Variants in MACC1 observed in about 807,000 individuals in gnomAD.
MACC1 encodes the protein metastasis-associated in colon cancer protein 1.
Under a neutral mutation model 70.7 loss-of-function variants are expected in MACC1, and 79 were observed. The ratio of observed to expected loss-of-function variants is 1.12; its 90% CI spans 0.93 to 1.35. The LOEUF is 1.35. Ranked by LOEUF, MACC1 falls within the 40% of genes most tolerant of loss-of-function variation. The pLI is 0.00. For missense variants in MACC1, 1,106 were observed against 978.1 expected (o/e 1.13, Z -1.74); for synonymous variants, 361 against 347.2 (o/e 1.04, Z -0.44).
At chr7:20,163,811 A>G (rs566073119) in intron 3 of MACC1, among the ~76,000 whole-genome samples, 3 of 152,216 alleles carry the variant, frequency 2.0e-5, no homozygotes, top group Non-Finnish European at 4.4e-5. Flanking sequence ...TTCATGTTAT[A>G]ACTACTATAT....
At chr7:20,161,384 T>C (rs905636542) in intron 4 of MACC1, among the ~76,000 whole-genome samples, 1 of 152,058 alleles carries the variant, frequency 6.6e-6, no homozygotes, top group African/African-American at 2.4e-5. Context: ...TTTTCTTTAA[T>C]ACAATTACCC....
At chr7:20,210,566 AG>A (rs778382339) in intron 1 of MACC1, among the ~76,000 whole-genome samples, 8 of 152,354 alleles carry the variant, frequency 5.3e-5, no homozygotes, top group Admixed American at 2.6e-4. Flanking sequence ...CACTGCCTTC[AG>A]GAAATAATGT....
At chr7:20,149,598 A>G (rs531162535) in intron 6 of MACC1, among the ~76,000 whole-genome samples, 2 of 152,274 alleles carry the variant, frequency 1.3e-5, no homozygotes, top group Admixed American at 6.5e-5. Flanking sequence ...CTTAACCTCT[A>G]TGCTCTGGTA....
chr7:20,182,341 T>C (rs1782523096), intron 1 of MACC1, among the ~76,000 whole-genome samples: 1 of 152,128 alleles, frequency 6.6e-6, no homozygotes, highest in Non-Finnish European at 1.5e-5. Context: ...TAAAGTATAA[T>C]AATAATAATA....
chr7:20,148,687 A>G (rs957768553), intron 6 of MACC1, among the ~76,000 whole-genome samples: 2 of 152,114 alleles, frequency 1.3e-5, no homozygotes, highest in Non-Finnish European at 1.5e-5. Context: ...TTCCTACCTC[A>G]TTCCTCCCAA....
intron 1 of MACC1, among the ~76,000 whole-genome samples, chr7:20,197,019 T>C (rs1782764224): frequency 6.6e-6 from 1 of 152,166 alleles, no homozygotes. Flanking sequence ...AAGTTGCAAA[T>C]TATCTATAAA....
intron 1 of MACC1, among the ~76,000 whole-genome samples, chr7:20,176,947 G>A (rs1369187280): frequency 2.0e-5 from 3 of 152,052 alleles, no homozygotes; most frequent in Admixed American, 6.6e-5. Context: ...ACTATAAAGG[G>A]GTACCGCAAG....
intron 1 of MACC1, among the ~76,000 whole-genome samples, chr7:20,181,979 G>A (rs1181411812): frequency 6.6e-6 from 1 of 151,656 alleles, no homozygotes; most frequent in Non-Finnish European, 1.5e-5. Flanking sequence ...AAGAAAATGT[G>A]GCACATATAC....
At chr7:20,179,873 G>A (rs1329958360) in intron 1 of MACC1, among the ~76,000 whole-genome samples, 2 of 152,132 alleles carry the variant, frequency 1.3e-5, no homozygotes, top group Admixed American at 6.5e-5. Context: ...ACAAAGTGTG[G>A]TAGGTCTGTG....
rs1782912170 is a variant in MACC1 at position 20,206,500 on chromosome 7, T to C, written c.-218+10799A>G. On this transcript the variant is annotated intron_variant, in intron 1 of 6. Coordinates refer to ENST00000400331, the MANE Select transcript of MACC1 (RefSeq NM_182762.4). ...CTCTGATCTCTCCTTTTTAGTCTCC[T>C]CTATGGCTGTTTCTTTCTCTGATTA... Among the ~76,000 whole-genome samples the C allele has an allele frequency of 2.0e-5, 3 of 152,308 alleles. No homozygotes were observed. The South Asian group carries it at 6.2e-4, about 32-fold the overall frequency.
intron 1 of MACC1, among the ~76,000 whole-genome samples, chr7:20,202,147 G>A (rs1023005222): frequency 6.6e-6 from 1 of 152,146 alleles, no homozygotes; most frequent in Non-Finnish European, 1.5e-5. Flanking sequence ...TAGTTTCTTC[G>A]ACAATCATAC....
In MACC1 at chr7:20,137,818, A is replaced by G. The variant is rs915384489; in HGVS notation, c.*3128T>C. The G allele has an allele frequency of 1.3e-5, 2 of 152,176 alleles. No homozygotes were observed. Among genetic ancestry groups the G allele is most frequent in the Non-Finnish European group, 2.9e-5 (2 of 68,028 alleles). 9.4% of individuals were successfully genotyped at this position (152,176 alleles called of 1,614,324 possible). A position where few individuals can be genotyped will look rare whatever the true frequency, so the allele number is the denominator to read the frequency against. ...TAGAAACTATTTATTTAAAAATTAG[A>G]ATATATTTATACAAACAGAATGTTT... On this transcript the variant is annotated 3_prime_UTR_variant, in exon 7 of 7. Coordinates refer to ENST00000400331, the MANE Select transcript of MACC1 (RefSeq NM_182762.4).
chr7:20,198,060 A>G (rs1782781229), intron 1 of MACC1, among the ~76,000 whole-genome samples: 1 of 114,728 alleles, frequency 8.7e-6, no homozygotes, highest in Admixed American at 9.8e-5. Context: ...GAATGCCTCC[A>G]GTTACCACAG....
chr7:20,208,122 T>C (rs797000710), intron 1 of MACC1, among the ~76,000 whole-genome samples: 2 of 152,222 alleles, frequency 1.3e-5, no homozygotes, highest in East Asian at 3.8e-4. Flanking sequence ...CTCCCCAGCA[T>C]GCAGAACTGT....
At chr7:20,177,970 C>T (rs574127621) in intron 1 of MACC1, among the ~76,000 whole-genome samples, 5 of 152,096 alleles carry the variant, frequency 3.3e-5, no homozygotes, top group Non-Finnish European at 2.9e-5. Context: ...AAATTTATCT[C>T]CATTACCTTA....
In MACC1 at chr7:20,185,491, A is replaced by AT. The variant is rs1554290659; in HGVS notation, c.-217-14714dup. 8.2e-3 allele frequency among the ~76,000 whole-genome samples: 1,237 copies of AT among 151,530 alleles called. 25 individuals carry two copies. The highest frequency in any genetic ancestry group is 0.027 in the African/African-American group (1,135 of 41,350). ...CTTACAAAGTTTATTTAAAAAAAAAATTTTTTTTCTTTAAACAGATTTTAA... is the reference window on the plus strand; with the variant it reads ...CTTACAAAGTTTATTTAAAAAAAAAATTTTTTTTTCTTTAAACAGATTTTAA... On this transcript the variant is annotated intron_variant, in intron 1 of 6. Transcript: ENST00000400331.
chr7:20,171,366 C>G (rs1782303810), intron 1 of MACC1, among the ~76,000 whole-genome samples: 1 of 151,650 alleles, frequency 6.6e-6, no homozygotes, highest in African/African-American at 2.4e-5. Context: ...ATTTTCCTGC[C>G]TCAGCCTCCT....
intron 2 of MACC1, 24 bp downstream of exon 2, chr7:20,170,690 C>G (rs1340704584): frequency 6.6e-6 from 1 of 152,198 alleles, no homozygotes; most frequent in African/African-American, 2.4e-5. Context: ...GAGAAAAACA[C>G]TCTGACATTT....
chr7:20,146,036 C>T (rs1409497277), intron 6 of MACC1, among the ~76,000 whole-genome samples: 2 of 151,678 alleles, frequency 1.3e-5, no homozygotes, highest in African/African-American at 2.4e-5. Flanking sequence ...TGGCACGCGC[C>T]TGTAGTCCCA....
Sources: allele counts gnomAD v4.1 joint callset (sites outside exome capture counted in the v4.1 genomes callset), GRCh38; gene constraint gnomAD v4.1.1; transcripts MANE v1.5; gene names NCBI Gene and HGNC (gene_info 2026-07-23, HGNC 2026-07-21).